The following CHD9 variants were observed in gnomAD, a reference collection of about 807,000 sequenced individuals.
CHD9 encodes chromodomain helicase DNA binding protein 9.
CHD9 carries 77 observed loss-of-function variants against 316.1 expected under a neutral mutation model. The observed-to-expected ratio is 0.24, with a 90% CI of 0.20 to 0.29. The LOEUF (loss-of-function observed/expected upper bound fraction) is 0.29. CHD9 is among the 10% of genes least tolerant of loss of function. The pLI is 1.00. For missense variants in CHD9, 2,763 were observed against 3,438.1 expected (o/e 0.80, Z 4.91); for synonymous variants, 1,129 against 1,158.3 (o/e 0.97, Z 0.51).
intron 2 of CHD9, among the ~76,000 whole-genome samples, chr16:53,187,654 T>C (rs1309375778): frequency 6.6e-6 from 1 of 152,132 alleles, no homozygotes; most frequent in African/African-American, 2.4e-5. Flanking sequence ...CCTGAATTCA[T>C]AGAAACAGGT....
At chr16:53,116,904 C>A (rs1389458907) in intron 1 of CHD9, among the ~76,000 whole-genome samples, 3 of 152,116 alleles carry the variant, frequency 2.0e-5, no homozygotes, top group Non-Finnish European at 2.9e-5. Context: ...TAAAAAGGAA[C>A]AAGATCATGT....
rs2031881760 is a variant in CHD9, at chr16:53,055,090, A to C, written c.-165+13A>C. ...GCCGGCAGCCAAGGTAGGATTCCTGAGCCCCGGGCGTCTCCCTGGAGCCTC... is the reference window on the plus strand; with the variant it reads ...GCCGGCAGCCAAGGTAGGATTCCTGCGCCCCGGGCGTCTCCCTGGAGCCTC... On this transcript the variant is annotated intron_variant, in intron 1 of 38. Transcript: ENST00000447540. 1 of 152,326 alleles carries C rather than the reference A, an allele frequency of 6.6e-6. No individual in the cohort carries two copies. The highest frequency in any genetic ancestry group is 1.5e-5 in the Non-Finnish European group (1 of 68,130). The allele number at this position is 152,326 out of a possible 1,614,324, so 9.4% of individuals were successfully genotyped here.
At chr16:53,227,513 TAA>T in intron 6 of CHD9, 33 bp from the exon 7 acceptor site, 3 of 1,479,614 alleles carry the variant, frequency 2.0e-6, no homozygotes, top group Non-Finnish European at 2.7e-6. Flanking sequence ...GTGGCCTGTT[TAA>T]AAGAGTCACC....
chr16:53,113,501 C>T (rs12925360), intron 1 of CHD9, among the ~76,000 whole-genome samples: 32,471 of 150,642 alleles, frequency 0.22, 3,986 homozygotes, highest in South Asian at 0.33. Flanking sequence ...TTAGTAGAGA[C>T]GGGGTTTCAC....
chr16:53,080,855 A>G (rs887409998), intron 1 of CHD9, among the ~76,000 whole-genome samples: 1 of 152,088 alleles, frequency 6.6e-6, no homozygotes, highest in African/African-American at 2.4e-5. Context: ...ATCCTCTGTG[A>G]CTTGCATTGC....
intron 22 of CHD9, 94 bp from the exon 23 acceptor site, chr16:53,273,532 G>C: frequency 1.1e-6 from 1 of 904,022 alleles, no homozygotes. Flanking sequence ...ACAGACCTCA[G>C]AAAGTCTCCA....
At chr16:53,085,227 TC>T (rs2035361388) in intron 1 of CHD9, among the ~76,000 whole-genome samples, 1 of 151,696 alleles carries the variant, frequency 6.6e-6, no homozygotes, top group Admixed American at 6.6e-5. Context: ...CCTTTGATCA[TC>T]TTTTTTTTTT....
At chr16:53,136,208 A>G (rs1012631992) in intron 1 of CHD9, among the ~76,000 whole-genome samples, 1 of 152,108 alleles carries the variant, frequency 6.6e-6, no homozygotes, top group Non-Finnish European at 1.5e-5. Flanking sequence ...TTTTTGTTTG[A>G]TTTTTACTAT....
rs140313159 is a variant in CHD9 at position 53,308,927 on chromosome 16, T to C, written c.7222+73T>C. On this transcript the variant is annotated intron_variant, in intron 34 of 38. Transcript: ENST00000447540. ...TGTCCAAATCTTCTTTTATAGATGC[T>C]TGTAATAAAAATTTATTTTTCCTTT... is the stretch of plus-strand genomic sequence containing the variant. The C allele has an allele frequency of 7.7e-3, 9,280 of 1,202,644 alleles. 78 individuals carry two copies. Among genetic ancestry groups the C allele is most frequent in the Middle Eastern group, 0.03 (151 of 5,054 alleles). The allele number at this position is 1,202,644 out of a possible 1,614,324, so 74.5% of individuals were successfully genotyped here. A position where few individuals can be genotyped will look rare whatever the true frequency, so the allele number is the denominator to read the frequency against.
At chr16:53,208,256 T>G in intron 2 of CHD9, 1 of 1,222,644 alleles carries the variant, frequency 8.2e-7, no homozygotes, top group Non-Finnish European at 1.0e-6. Context: ...TCAATGCTTT[T>G]TTCTTGAGCA....
chr16:53,081,839 G>GTGAATGAATGAATGAA (rs57324357), intron 1 of CHD9, among the ~76,000 whole-genome samples: 329 of 150,194 alleles, frequency 2.2e-3, no homozygotes, highest in East Asian at 0.01. Context: ...TGTCAAGTTT[G>GTGAATGAATGAATGAA]TGAATGAATG....
At chr16:53,104,769 G>A (rs929072374) in intron 1 of CHD9, among the ~76,000 whole-genome samples, 3 of 148,136 alleles carry the variant, frequency 2.0e-5, no homozygotes, top group Non-Finnish European at 3.0e-5. Context: ...CTGAGATCGT[G>A]CCACTGCACT....
intron 1 of CHD9, among the ~76,000 whole-genome samples, chr16:53,130,378 C>G (rs2039169278): frequency 1.3e-5 from 2 of 152,032 alleles, no homozygotes; most frequent in South Asian, 4.1e-4. Context: ...CCCGAGCTGC[C>G]CGAGAGATGC....
At chr16:53,125,527 C>G (rs966556026) in intron 1 of CHD9, among the ~76,000 whole-genome samples, 1 of 152,184 alleles carries the variant, frequency 6.6e-6, no homozygotes, top group African/African-American at 2.4e-5. Context: ...TGAGCCACTG[C>G]GCCCAGCTGA....
chr16:53,316,539 A>G (rs1321154401), intron 36 of CHD9, among the ~76,000 whole-genome samples: 3 of 152,150 alleles, frequency 2.0e-5, no homozygotes, highest in Non-Finnish European at 4.4e-5. Flanking sequence ...TTTATTGTAA[A>G]GATTTTGAAA....
At chr16:53,217,895 G>A (rs145088286) in intron 3 of CHD9, among the ~76,000 whole-genome samples, 1 of 151,334 alleles carries the variant, frequency 6.6e-6, no homozygotes, top group East Asian at 1.9e-4. Flanking sequence ...GCATACCACT[G>A]CGCCTGGCTT....
intron 1 of CHD9, among the ~76,000 whole-genome samples, chr16:53,116,457 C>A (rs1237044549): frequency 6.6e-6 from 1 of 152,116 alleles, no homozygotes; most frequent in African/African-American, 2.4e-5. Flanking sequence ...CTCCAGGAGC[C>A]AGGATAAGGT....
intron 1 of CHD9, among the ~76,000 whole-genome samples, chr16:53,120,408 G>A (rs1251213214): frequency 6.6e-6 from 1 of 152,100 alleles, no homozygotes; most frequent in African/African-American, 2.4e-5. Flanking sequence ...GAGGTCGGGA[G>A]TTTGAGACCA....
At chr16:53,301,767 C>CTT (rs199846098) in intron 30 of CHD9, among the ~76,000 whole-genome samples, 27 of 126,224 alleles carry the variant, frequency 2.1e-4, no homozygotes, top group South Asian at 5.1e-4. Flanking sequence ...TCTTTTTTTT[C>CTT]TTTTTTTTTT....
Sources: allele counts gnomAD v4.1 joint callset (sites outside exome capture counted in the v4.1 genomes callset), GRCh38; gene constraint gnomAD v4.1.1; transcripts MANE v1.5; gene names NCBI Gene and HGNC (gene_info 2026-07-23, HGNC 2026-07-21).